The following LAMB3 variants were observed in gnomAD, a reference collection of about 807,000 sequenced individuals.
LAMB3 encodes the protein laminin subunit beta 3.
Under a neutral mutation model 140.3 loss-of-function variants are expected in LAMB3, and 104 were observed. The ratio of observed to expected loss-of-function variants is 0.74; its 90% confidence interval spans 0.63 to 0.87. The LOEUF is 0.87. Ranked by LOEUF, LAMB3 falls within the 40% of genes least tolerant of loss-of-function variation. The probability of loss-of-function intolerance (pLI) is 0.00; values close to 1 mark genes in which losing one functional copy is unlikely to be tolerated. For missense variants in LAMB3, 1,531 were observed against 1,575.2 expected, an observed-to-expected ratio of 0.97 and a Z score of 0.47; for synonymous variants, 592 against 602.9, an observed-to-expected ratio of 0.98 and a Z score of 0.26.
At position 209,623,207 on chromosome 1, in the gene LAMB3, G is replaced by A; in HGVS notation, c.2359-28C>T. ...GTGGACAGATGGCGGTGTTAAAGAG[G>A]CTACCCAAAGCCCCTCAATAACCAA... On this transcript the variant is annotated intron_variant, in intron 16 of 22. Coordinates refer to ENST00000356082, the MANE Select transcript of LAMB3 (RefSeq NM_000228.3). This position sits in a 1 kb window ranked among gnomAD's most constrained non-coding sequence, Gnocchi z 4.2. 6.2e-7 allele frequency: 1 copy of A among 1,611,390 alleles called. No homozygotes were observed. The highest frequency in any genetic ancestry group is 8.5e-7 in the Non-Finnish European group (1 of 1,177,870).
Position 209,618,048 on chromosome 1 carries a change from C to T in LAMB3, c.2910G>A (p.Arg970=), listed in dbSNP as rs1666045297. 6.2e-7 allele frequency: 1 copy of T among 1,614,114 alleles called. No individual in the cohort carries two copies. Among genetic ancestry groups the T allele is most frequent in the South Asian group, 1.1e-5 (1 of 91,082 alleles). The change falls in exon 20 of 23, where the codon AGG becomes AGA. Residue 970 remains arginine, a splice_region_variant and synonymous_variant. Transcript: ENST00000356082. The part of the protein sequence containing the change: ...RRLQAEAEEA[R]SRAHAVEGQV... Reference sequence around the variant, plus strand: ...GGCCCTCCACTGCATGGGCTCGGCTCCTGGGTGAGAGAAGCAGCAGGGAGA... The same window carrying T: ...GGCCCTCCACTGCATGGGCTCGGCTTCTGGGTGAGAGAAGCAGCAGGGAGA...
At chr1:209,644,271 C>T (rs901726553) in intron 3 of LAMB3, among the ~76,000 whole-genome samples, 2 of 152,198 alleles carry the variant, frequency 1.3e-5, no homozygotes, top group Non-Finnish European at 2.9e-5. Context: ...GAAATTTTGA[C>T]CAAAGCCTTA....
chr1:209,651,176 T>C, intron 1 of LAMB3, 195 bp from the exon 2 acceptor site: 1 of 580,338 alleles, frequency 1.7e-6, no homozygotes, highest in South Asian at 2.0e-5. Flanking sequence ...TCAAGTGGCA[T>C]GTGACTCACA....
At chr1:209,647,013 C>A (rs1192975403) in intron 3 of LAMB3, among the ~76,000 whole-genome samples, 1 of 152,204 alleles carries the variant, frequency 6.6e-6, no homozygotes, top group South Asian at 2.1e-4. Context: ...GGTGATGGGA[C>A]TACAGCTTCA....
At chr1:209,647,109 G>T (rs1283992116) in intron 3 of LAMB3, among the ~76,000 whole-genome samples, 1 of 152,276 alleles carries the variant, frequency 6.6e-6, no homozygotes, top group African/African-American at 2.4e-5. Flanking sequence ...GGCAAAGTTG[G>T]GGAGGCAGAG....
Position 209,627,500 on chromosome 1 carries a change from G to T in LAMB3, c.1368C>A (p.Asn456Lys). 1.2e-6 allele frequency: 2 copies of T among 1,614,086 alleles called. No individual in the cohort carries two copies. Among genetic ancestry groups the T allele is most frequent in the African/African-American group, 1.3e-5 (1 of 75,050 alleles). Residue 456 changes from asparagine to lysine, a missense_variant, in exon 12 of 23, where the codon AAC becomes AAA. Coordinates refer to ENST00000356082, the MANE Select transcript of LAMB3 (RefSeq NM_000228.3). ...EESGRCLCLPNVVGPKCDQCA... is the reference protein window; with the variant it reads ...EESGRCLCLPKVVGPKCDQCA... ...ACTGGTCACATTTGGGACCCACCAC[G>T]TTGGGCAGACAAAGGCAGCGCCCAC... is the stretch of plus-strand genomic sequence containing the variant.
At chr1:209,647,355 CT>C (rs1437815539) in intron 3 of LAMB3, among the ~76,000 whole-genome samples, 3 of 152,338 alleles carry the variant, frequency 2.0e-5, no homozygotes, top group African/African-American at 7.2e-5. Context: ...TCTACTGCTC[CT>C]GTAACTCCAT....
At position 209,634,555 on chromosome 1, in the gene LAMB3, G is replaced by A. The variant is rs1171519184; in HGVS notation, c.456C>T (p.Asp152=). 1 of 1,614,186 alleles carries A rather than the reference G, an allele frequency of 6.2e-7. No individual in the cohort carries two copies. Among genetic ancestry groups the A allele is most frequent in the South Asian group, 1.1e-5 (1 of 91,088 alleles). ...TWRVYQYLAA[D]CTSTFPRVRQ... ...GGACCCGAGGGAAGGTGGAGGTGCA[G>A]TCGGCAGCCAGGTACTGGTACACTC... Residue 152 remains aspartate, a synonymous_variant, in exon 6 of 23, where the codon GAC becomes GAT. Transcript: ENST00000356082.
rs375815552 is a variant in LAMB3, at chr1:209,634,549, G to A, written c.462C>T (p.Thr154=). 6.2e-7 allele frequency: 1 copy of A among 1,614,016 alleles called. No individual in the cohort carries two copies. The highest frequency in any genetic ancestry group is 1.1e-5 in the South Asian group (1 of 91,080). Residue 154 remains threonine, a synonymous_variant, in exon 6 of 23, where the codon ACC becomes ACT. Transcript: ENST00000356082. ...CCTGGCGGACCCGAGGGAAGGTGGA[G>A]GTGCAGTCGGCAGCCAGGTACTGGT... ...RVYQYLAADC[T]STFPRVRQGR...
intron 3 of LAMB3, among the ~76,000 whole-genome samples, chr1:209,645,071 C>G (rs550685952): frequency 1.4e-3 from 211 of 152,288 alleles, no homozygotes; most frequent in Non-Finnish European, 2.3e-3. Flanking sequence ...CAAGGCCTAC[C>G]CCTTAGCCCA....
rs1316777739 is a variant in LAMB3, at chr1:209,625,904, G to A, written c.1720C>T (p.Arg574Cys). The A allele has an allele frequency of 5.6e-6, 9 of 1,613,710 alleles. No homozygotes were observed. Among genetic ancestry groups the A allele is most frequent in the African/African-American group, 1.3e-5 (1 of 74,926 alleles). Reference protein sequence around the residue: ...CDQCQRGYCNRYPVCVACHPC... With the variant: ...CDQCQRGYCNCYPVCVACHPC... ...TGGCAGGCCACGCACACCGGGTAGC[G>A]ATTACAGTAGCCTCGCTGGCACTGG... is the stretch of plus-strand genomic sequence containing the variant. The change falls in exon 14 of 23, where the codon CGC (arginine) becomes TGC (cysteine). Residue 574 changes from arginine (R) to cysteine (C), a missense_variant. Physicochemically the swap from Arg to Cys is radical, Grantham distance 180. Transcript: ENST00000356082.
chr1:209,644,405 G>A (rs977404361), intron 3 of LAMB3, among the ~76,000 whole-genome samples: 6 of 152,112 alleles, frequency 3.9e-5, no homozygotes, highest in African/African-American at 1.2e-4. Flanking sequence ...CCTCAGCAGT[G>A]TACATATATT....
At chr1:209,620,548 T>C (rs538766965) in intron 18 of LAMB3, among the ~76,000 whole-genome samples, 4 of 152,268 alleles carry the variant, frequency 2.6e-5, no homozygotes, top group Admixed American at 6.5e-5. Flanking sequence ...GTGTATGTAT[T>C]TGTGTGTCTA....
chr1:209,617,165 C>T (rs1665996219), intron 21 of LAMB3, among the ~76,000 whole-genome samples: 1 of 152,174 alleles, frequency 6.6e-6, no homozygotes, highest in South Asian at 2.1e-4. Context: ...CGAGTCACCA[C>T]CTCATCTGTA....
intron 4 of LAMB3, 52 bp from the exon 5 acceptor site, chr1:209,638,033 G>A (rs2102445187): frequency 1.4e-6 from 2 of 1,457,674 alleles, no homozygotes; most frequent in East Asian, 4.7e-5. Flanking sequence ...CACTTCCCCA[G>A]CCCTGAAGGA....
intron 5 of LAMB3, 116 bp from the exon 6 acceptor site, chr1:209,634,754 C>A: frequency 2.4e-6 from 2 of 832,704 alleles, no homozygotes; most frequent in East Asian, 2.7e-5. Context: ...CCAGTGGGAG[C>A]AAGTGGGCTC....
rs1553278616 is a variant in LAMB3, at chr1:209,634,684, G to T, written c.373-46C>A. 3.3e-6 allele frequency: 5 copies of T among 1,497,122 alleles called. No individual in the cohort carries two copies. The Admixed American group carries it at 5.4e-5, about 16-fold the overall frequency. 92.7% of individuals were successfully genotyped at this position (1,497,122 alleles called of 1,614,324 possible). A position where few individuals can be genotyped will look rare whatever the true frequency, so the allele number is the denominator to read the frequency against. Reference sequence around the variant, plus strand: ...TGCAGAGGGGAGGCACTGGGGCTGTGCCCCGTGGAGACACAAGCAGAGAGA... The same window carrying T: ...TGCAGAGGGGAGGCACTGGGGCTGTTCCCCGTGGAGACACAAGCAGAGAGA... On this transcript the variant is annotated intron_variant, in intron 5 of 22. Transcript: ENST00000356082.
rs114862306 is a variant in LAMB3, at chr1:209,633,324, T to C, written c.565-191A>G. ...AGATGATCACTGGGCCCTAAACGTG[T>C]GTGTGTGTGTACCCCACCCCCAACC... On this transcript the variant is annotated intron_variant, in intron 6 of 22. Coordinates refer to ENST00000356082, the MANE Select transcript of LAMB3 (RefSeq NM_000228.3). Among the ~76,000 whole-genome samples, 607 of 152,296 alleles carry C rather than the reference T, an allele frequency of 4.0e-3. 4 individuals carry two copies. The highest frequency in any genetic ancestry group is 5.5e-3 in the Non-Finnish European group (371 of 68,028).
chr1:209,649,908 C>G lies in LAMB3; in HGVS notation c.183+56G>C, dbSNP rs2076549782. On this transcript the variant is annotated intron_variant, in intron 3 of 22. Transcript: ENST00000356082. ...TTCTAAGTATTCAGTGGACAAATGG[C>G]AGCTCACACACCCCTCCCATCCCGC... is the stretch of plus-strand genomic sequence containing the variant. 6.3e-6 allele frequency: 10 copies of G among 1,586,918 alleles called. No homozygotes were observed. In the East Asian group the frequency reaches 2.2e-4, roughly 35 times the overall value.
Sources: gnomAD v4.1 joint callset for allele counts (sites outside exome capture counted in the v4.1 genomes callset) on GRCh38, gnomAD v4.1.1 for gene constraint, Gnocchi (gnomAD v3.1) non-coding constraint, MANE v1.5 for transcripts, NCBI Gene and HGNC (gene_info 2026-07-23, HGNC 2026-07-21) for gene names.